The following TRAF3 variants were observed in gnomAD, a reference collection of about 807,000 sequenced individuals.
TRAF3 encodes TNF receptor-associated factor 3.
In TRAF3, 13 loss-of-function variants were observed where a neutral mutation model predicts 62.3. That is an observed-to-expected ratio of 0.21 (90% CI 0.14 to 0.33). The LOEUF (loss-of-function observed/expected upper bound fraction) is 0.33. Among genes scored for constraint, TRAF3 ranks in the 10% least tolerant of loss-of-function variants. The pLI, the probability that TRAF3 is intolerant of heterozygous loss-of-function variation, is 1.00. For synonymous variants in TRAF3, 269 were observed against 283.4 expected (o/e 0.95, Z 0.51); for missense variants, 440 against 741.8 (o/e 0.59, Z 4.73).
chr14:102,800,974 C>G (rs368787815), intron 1 of TRAF3, among the ~76,000 whole-genome samples: 2 of 148,708 alleles, frequency 1.3e-5, no homozygotes, highest in Admixed American at 1.3e-4. Flanking sequence ...GTCAGGAGAT[C>G]GAGACCACGG....
At chr14:102,823,957 T>A (rs1900137700) in intron 1 of TRAF3, among the ~76,000 whole-genome samples, 1 of 152,252 alleles carries the variant, frequency 6.6e-6, no homozygotes, top group African/African-American at 2.4e-5. Flanking sequence ...TAATGTCGAA[T>A]ATTATTCCAT....
At chr14:102,835,911 G>GT (rs1885970983) in intron 2 of TRAF3, among the ~76,000 whole-genome samples, 2 of 152,124 alleles carry the variant, frequency 1.3e-5, no homozygotes, top group South Asian at 4.1e-4. Flanking sequence ...TAAAATAAAA[G>GT]TAAAAAAAAA....
chr14:102,789,330 C>A (rs745619702), intron 1 of TRAF3, among the ~76,000 whole-genome samples: 1 of 152,100 alleles, frequency 6.6e-6, no homozygotes, highest in Admixed American at 6.5e-5. Context: ...CATTTGTGTA[C>A]AAGTTTCTGT....
chr14:102,784,157 T>G (rs1203106563), intron 1 of TRAF3, among the ~76,000 whole-genome samples: 1 of 151,268 alleles, frequency 6.6e-6, no homozygotes, highest in African/African-American at 2.4e-5. Context: ...TCACGCAGGA[T>G]AGGTTTTTCC....
At chr14:102,845,518 ATTTTT>A (rs552851916) in intron 2 of TRAF3, among the ~76,000 whole-genome samples, 6 of 135,814 alleles carry the variant, frequency 4.4e-5, no homozygotes, top group Admixed American at 2.2e-4. Context: ...TAAAAAAAAA[ATTTTT>A]TTTTTTTTTC....
chr14:102,779,298 T>TTTTTTTTTA (rs1897174783), intron 1 of TRAF3, among the ~76,000 whole-genome samples: 1 of 131,330 alleles, frequency 7.6e-6, no homozygotes. Flanking sequence ...TTTTTTTTTT[T>TTTTTTTTTA]GAGACATTCA....
intron 6 of TRAF3, among the ~76,000 whole-genome samples, chr14:102,882,570 T>TG (rs1387266988): frequency 6.6e-6 from 1 of 150,828 alleles, no homozygotes; most frequent in African/African-American, 2.5e-5. Flanking sequence ...GTATTTTGTT[T>TG]TTTTTTTTTT....
In TRAF3 at chr14:102,910,600, C is replaced by G. The variant is rs1015730947; in HGVS notation, c.*4816C>G. 4.6e-5 allele frequency: 7 copies of G among 152,402 alleles called. No individual in the cohort carries two copies. The highest frequency in any genetic ancestry group is 1.7e-4 in the African/African-American group (7 of 41,476). 9.4% of individuals were successfully genotyped at this position (152,402 alleles called of 1,614,324 possible). On this transcript the variant is annotated 3_prime_UTR_variant, in exon 12 of 12. Coordinates refer to ENST00000392745, the MANE Select transcript of TRAF3 (RefSeq NM_145725.3). ...GGCGTGAGGCGGGGCCAGCAGCTCA[C>G]TGCAAGGGCATTTTCCACCTGATCC...
At position 102,792,113 on chromosome 14, in the gene TRAF3, C is replaced by CTTTTTTTTTTTTTTTTTTTT. The variant is rs35895214; in HGVS notation, c.-157+14446_-157+14465dup. 4.1e-5 allele frequency among the ~76,000 whole-genome samples: 4 copies of CTTTTTTTTTTTTTTTTTTTT among 97,702 alleles called. 2 individuals carry two copies. The highest frequency in any genetic ancestry group is 6.5e-4 in the South Asian group (2 of 3,056). 64.1% of individuals were successfully genotyped at this position (97,702 alleles called of 152,430 possible). On this transcript the variant is annotated intron_variant, in intron 1 of 11. Coordinates refer to ENST00000392745, the MANE Select transcript of TRAF3 (RefSeq NM_145725.3). The stretch of plus-strand genomic sequence containing the variant: ...ACAGGTGCGAGCCACTGTGCCTGGA[C>CTTTTTTTTTTTTTTTTTTTT]TTTTTTTTTTTTTTTTTTTTTTTTT...
intron 9 of TRAF3, among the ~76,000 whole-genome samples, chr14:102,891,900 G>A (rs147300493): frequency 7.8e-4 from 118 of 152,104 alleles, no homozygotes; most frequent in African/African-American, 2.7e-3. Context: ...CTCTAAATGC[G>A]TTAAACTTCT....
chr14:102,824,995 A>G (rs906393405), intron 1 of TRAF3, among the ~76,000 whole-genome samples: 1 of 152,236 alleles, frequency 6.6e-6, no homozygotes, highest in Non-Finnish European at 1.5e-5. Flanking sequence ...TCAGTTGAAA[A>G]TCAACATCAT....
intron 2 of TRAF3, among the ~76,000 whole-genome samples, chr14:102,860,219 C>T (rs1887603866): frequency 6.6e-6 from 1 of 152,188 alleles, no homozygotes; most frequent in Admixed American, 6.5e-5. Flanking sequence ...AATGTATTTC[C>T]TACCTAGTTA....
chr14:102,805,024 T>C (rs914226897), intron 1 of TRAF3, among the ~76,000 whole-genome samples: 5 of 152,210 alleles, frequency 3.3e-5, no homozygotes, highest in Non-Finnish European at 7.3e-5. Flanking sequence ...AGAATTTGTA[T>C]TGTGATTGAC....
At chr14:102,901,841 G>T (rs1184630310) in intron 10 of TRAF3, among the ~76,000 whole-genome samples, 1 of 152,234 alleles carries the variant, frequency 6.6e-6, no homozygotes, top group African/African-American at 2.4e-5. Flanking sequence ...CTTCCAAAAG[G>T]AGAAGTGAAT....
intron 1 of TRAF3, among the ~76,000 whole-genome samples, chr14:102,786,694 AC>A (rs1897520094): frequency 1.3e-5 from 2 of 152,208 alleles, no homozygotes; most frequent in Admixed American, 1.3e-4. Flanking sequence ...TAAAAAAAAA[AC>A]GAGCCTGTGC....
intron 1 of TRAF3, among the ~76,000 whole-genome samples, chr14:102,791,797 G>A (rs866706951): frequency 6.6e-6 from 1 of 150,592 alleles, no homozygotes. Context: ...GAAGTTAGCT[G>A]TGTTTTCTTT....
intron 1 of TRAF3, among the ~76,000 whole-genome samples, chr14:102,794,068 C>T (rs1897943395): frequency 6.6e-6 from 1 of 152,212 alleles, no homozygotes; most frequent in Admixed American, 6.5e-5. Flanking sequence ...AGGTCCTCTG[C>T]AGATGGCCTT....
At chr14:102,812,791 C>T (rs371165003) in intron 1 of TRAF3, among the ~76,000 whole-genome samples, 5 of 150,618 alleles carry the variant, frequency 3.3e-5, no homozygotes, top group South Asian at 4.2e-4. Flanking sequence ...CGGTGGCGGG[C>T]GCCTGTAATC....
intron 1 of TRAF3, among the ~76,000 whole-genome samples, chr14:102,811,832 T>C (rs942175775): frequency 4.7e-5 from 7 of 147,716 alleles, no homozygotes; most frequent in African/African-American, 1.7e-4. Flanking sequence ...ACTGTAACCT[T>C]GAACTCGTGG....
Sources: allele counts gnomAD v4.1 joint callset (sites outside exome capture counted in the v4.1 genomes callset), GRCh38; gene constraint gnomAD v4.1.1; transcripts MANE v1.5; gene names NCBI Gene and HGNC (gene_info 2026-07-23, HGNC 2026-07-21).